The following HHAT variants were observed in gnomAD, a reference collection of about 807,000 sequenced individuals.
The protein encoded by HHAT is hedgehog acyltransferase.
Under a neutral mutation model 70.8 loss-of-function variants are expected in HHAT, and 47 were observed. The observed-to-expected ratio is 0.66, with a 90% CI of 0.53 to 0.85. HHAT has a LOEUF of 0.85. HHAT is among the 40% of genes least tolerant of loss of function. The probability of loss-of-function intolerance (pLI) is 0.00; values close to 1 mark genes in which losing one functional copy is unlikely to be tolerated. For missense variants in HHAT, 609 were observed against 604.8 expected (o/e 1.01, Z -0.07); for synonymous variants, 228 against 247.6 (o/e 0.92, Z 0.74).
intron 10 of HHAT, among the ~76,000 whole-genome samples, chr1:210,609,619 A>G (rs557413936): frequency 6.6e-6 from 1 of 152,196 alleles, no homozygotes; most frequent in Middle Eastern, 3.4e-3. Context: ...TCTCCTAGGT[A>G]TTAAGCCCAG....
upstream of HHAT, chr1:210,328,236 A>C (rs1241698935): frequency 6.6e-6 from 1 of 151,946 alleles, no homozygotes; most frequent in Non-Finnish European, 1.5e-5. Context: ...AGTCTGGAGA[A>C]CTCTGGCAAG....
intron 8 of HHAT, among the ~76,000 whole-genome samples, chr1:210,501,067 T>C (rs905886788): frequency 6.6e-6 from 1 of 152,230 alleles, no homozygotes; most frequent in African/African-American, 2.4e-5. Context: ...CTCATGCTTA[T>C]CTCTTCTTTG....
chr1:210,665,059 C>A (rs1190886188), intron 11 of HHAT, among the ~76,000 whole-genome samples: 1 of 152,182 alleles, frequency 6.6e-6, no homozygotes, highest in Non-Finnish European at 1.5e-5. Flanking sequence ...CATTAGTAAA[C>A]CCTCTGGAGG....
chr1:210,662,441 G>T (rs560387057), intron 11 of HHAT, among the ~76,000 whole-genome samples: 1 of 152,148 alleles, frequency 6.6e-6, no homozygotes, highest in Admixed American at 6.5e-5. Flanking sequence ...GCTAGGCAGC[G>T]TCCACTGTGT....
At chr1:210,457,338 A>T (rs937465927) in intron 7 of HHAT, among the ~76,000 whole-genome samples, 2 of 152,006 alleles carry the variant, frequency 1.3e-5, no homozygotes, top group Admixed American at 6.6e-5. Context: ...AAAACTTATT[A>T]AAAAAAAGTC....
At chr1:210,597,542 C>T (rs1251357026) in intron 10 of HHAT, among the ~76,000 whole-genome samples, 2 of 152,072 alleles carry the variant, frequency 1.3e-5, no homozygotes, top group African/African-American at 4.8e-5. Flanking sequence ...ACCCAGGCTG[C>T]AATACAAAGT....
intron 3 of HHAT, among the ~76,000 whole-genome samples, chr1:210,365,998 A>G (rs1405406251): frequency 6.6e-6 from 1 of 151,906 alleles, no homozygotes; most frequent in Non-Finnish European, 1.5e-5. Context: ...GGTTGTAATC[A>G]TAGCTCACTG....
intron 11 of HHAT, among the ~76,000 whole-genome samples, chr1:210,637,883 A>G (rs1672205804): frequency 6.6e-6 from 1 of 150,804 alleles, no homozygotes; most frequent in Non-Finnish European, 1.5e-5. Flanking sequence ...GGGGGGGCAA[A>G]GGACCTGAAT....
At chr1:210,559,027 G>T (rs575707967) in intron 9 of HHAT, among the ~76,000 whole-genome samples, 3 of 152,152 alleles carry the variant, frequency 2.0e-5, no homozygotes, top group Admixed American at 1.3e-4. Context: ...AATCCCGTTC[G>T]GTCAGTTCAT....
At chr1:210,514,193 A>G (rs903648478) in intron 9 of HHAT, among the ~76,000 whole-genome samples, 1 of 152,164 alleles carries the variant, frequency 6.6e-6, no homozygotes, top group Admixed American at 6.5e-5. Flanking sequence ...GAGGCCATGC[A>G]TACCTTGTCC....
chr1:210,470,231 G>A (rs1281231741), intron 8 of HHAT, among the ~76,000 whole-genome samples: 1 of 152,146 alleles, frequency 6.6e-6, no homozygotes, highest in Non-Finnish European at 1.5e-5. Flanking sequence ...TAGAAGAGGT[G>A]AGTGACAAAA....
chr1:210,553,987 G>A (rs994685553), intron 9 of HHAT, among the ~76,000 whole-genome samples: 11 of 152,084 alleles, frequency 7.2e-5, no homozygotes, highest in African/African-American at 1.7e-4. Flanking sequence ...TTTTTATTGC[G>A]AACTTAAAGT....
intron 10 of HHAT, 102 bp downstream of exon 10, chr1:210,588,201 T>G: frequency 9.9e-7 from 1 of 1,007,304 alleles, no homozygotes; most frequent in Non-Finnish European, 1.4e-6. Context: ...CTATGGGCCC[T>G]TTCTACTAGG....
intron 8 of HHAT, among the ~76,000 whole-genome samples, chr1:210,491,177 G>GTTCAAGCCTGA (rs78345396): frequency 0.2 from 30,972 of 151,652 alleles, 3,962 homozygotes; most frequent in Non-Finnish European, 0.29. Flanking sequence ...AGTCGGTGTG[G>GTTCAAGCCTGA]TTCAAGCCTG....
At chr1:210,440,333 A>T (rs1055526084) in intron 7 of HHAT, among the ~76,000 whole-genome samples, 4 of 151,720 alleles carry the variant, frequency 2.6e-5, no homozygotes, top group Non-Finnish European at 5.9e-5. Context: ...CGCAGTCTTC[A>T]TGGAAGCTCC....
At chr1:210,357,775 G>A (rs112872953) in intron 2 of HHAT, among the ~76,000 whole-genome samples, 10,489 of 152,202 alleles carry the variant, frequency 0.069, 401 homozygotes, top group South Asian at 0.096. Context: ...AGCCGAGTTC[G>A]CACCACTGCA....
chr1:210,603,160 T>C (rs1392620150), intron 10 of HHAT, among the ~76,000 whole-genome samples: 1 of 152,192 alleles, frequency 6.6e-6, no homozygotes, highest in Non-Finnish European at 1.5e-5. Context: ...GGTGTCCTGC[T>C]CCAATCATCG....
chr1:210,522,610 T>C (rs535850498), intron 9 of HHAT, among the ~76,000 whole-genome samples: 2 of 152,266 alleles, frequency 1.3e-5, no homozygotes, highest in South Asian at 2.1e-4. Context: ...CACCCCTTCC[T>C]TTCTGTTTCT....
chr1:210,650,951 C>T lies in HHAT; in HGVS notation c.1391-23337C>T, dbSNP rs968121651. On this transcript the variant is annotated intron_variant, in intron 11 of 11. Transcript: ENST00000261458. ...TTAGTAAGGGAAAGAGAAGACTCAT[C>T]AGCTATATGAAATTTCACTTTTTAA... Among the ~76,000 whole-genome samples, 5 of 152,262 alleles carry T rather than the reference C, an allele frequency of 3.3e-5. 1 individual carries two copies. Among genetic ancestry groups the T allele is most frequent in the Non-Finnish European group, 7.4e-5 (5 of 68,026 alleles).
Sources: allele counts gnomAD v4.1 joint callset (sites outside exome capture counted in the v4.1 genomes callset), GRCh38; gene constraint gnomAD v4.1.1; transcripts MANE v1.5; gene names NCBI Gene and HGNC (gene_info 2026-07-23, HGNC 2026-07-21).